The following DYNC2LI1 variants were observed in gnomAD, a reference collection of about 807,000 sequenced individuals.
DYNC2LI1 encodes dynein cytoplasmic 2 light intermediate chain 1, also known as cytoplasmic dynein 2 light intermediate chain 1.
Under a neutral mutation model 51.9 loss-of-function variants are expected in DYNC2LI1, and 45 were observed. The observed-to-expected ratio is 0.87, with a 90% CI of 0.68 to 1.11. The LOEUF (loss-of-function observed/expected upper bound fraction) is 1.11. Among genes scored for constraint, DYNC2LI1 ranks in the 50% most tolerant of loss-of-function variants. The pLI is 0.00. For missense variants in DYNC2LI1, 490 were observed against 417.4 expected (o/e 1.17, Z -1.51); for synonymous variants, 130 against 137.8 (o/e 0.94, Z 0.40).
At chr2:43,816,250 G>C in the DYNC2LI1 span, among the ~76,000 whole-genome samples, 1 of 152,240 alleles carries the variant, frequency 6.6e-6, no homozygotes, top group Non-Finnish European at 1.5e-5. Flanking sequence ...GCTGGCTGCT[G>C]AGAGGGTCTA....
chr2:43,790,369 AT>A (rs1461239923), intron 5 of DYNC2LI1, among the ~76,000 whole-genome samples: 1 of 152,158 alleles, frequency 6.6e-6, no homozygotes, highest in Non-Finnish European at 1.5e-5. Flanking sequence ...AATCTGAAAT[AT>A]TTTGTTCTTA....
intron 10 of DYNC2LI1, among the ~76,000 whole-genome samples, chr2:43,803,962 AATTTGTGTTC>A (rs1200772427): frequency 6.6e-6 from 1 of 152,194 alleles, no homozygotes. Flanking sequence ...ACAAGGAGCA[AATTTGTGTTC>A]TTTCCAATTT....
chr2:43,792,626 C>G (rs1220578957), intron 5 of DYNC2LI1: 1 of 1,497,998 alleles, frequency 6.7e-7, no homozygotes, highest in Non-Finnish European at 8.9e-7. Context: ...TCTTCTCAAA[C>G]TGAAACTCTT....
At chr2:43,799,079 CA>C (rs1453004000) in intron 8 of DYNC2LI1, among the ~76,000 whole-genome samples, 1 of 152,110 alleles carries the variant, frequency 6.6e-6, no homozygotes, top group Non-Finnish European at 1.5e-5. Context: ...GTGGGAAGAT[CA>C]GTTGAGGCCA....
At chr2:43,775,762 A>C (rs1463532478) in intron 1 of DYNC2LI1, 4 of 374,082 alleles carry the variant, frequency 1.1e-5, no homozygotes, top group South Asian at 1.9e-5. Context: ...ATCTTGGCTC[A>C]ATACAACATC....
chr2:43,808,181 A>G (rs905786916), intron 12 of DYNC2LI1, among the ~76,000 whole-genome samples: 35 of 152,152 alleles, frequency 2.3e-4, no homozygotes, highest in Middle Eastern at 3.2e-3. Context: ...TAGCTTTATT[A>G]GAAAAAAATA....
At chr2:43,798,161 T>C (rs570415096) in intron 8 of DYNC2LI1, among the ~76,000 whole-genome samples, 2 of 152,268 alleles carry the variant, frequency 1.3e-5, no homozygotes, top group South Asian at 4.1e-4. Flanking sequence ...TAATGGTCTC[T>C]TTTTTCCTCC....
Sources: gnomAD v4.1 joint callset for allele counts (sites outside exome capture counted in the v4.1 genomes callset) on GRCh38, gnomAD v4.1.1 for gene constraint, MANE v1.5 for transcripts, NCBI Gene and HGNC (gene_info 2026-07-23, HGNC 2026-07-21) for gene names.